The following CSMD1 variants were observed in gnomAD, a reference collection of about 807,000 sequenced individuals.
The protein encoded by CSMD1 is CUB and sushi domain-containing protein 1.
A neutral mutation model predicts 417.5 loss-of-function variants in CSMD1; 213 were observed. The observed-to-expected ratio is 0.51, with a 90% confidence interval of 0.46 to 0.57. CSMD1 has a LOEUF of 0.57. CSMD1 is among the 20% of genes least tolerant of loss of function. The pLI, the probability that CSMD1 is intolerant of heterozygous loss-of-function variation, is 0.00. For missense variants in CSMD1, 6,923 were observed against 4,529.7 expected, an observed-to-expected ratio of 1.53 and a Z score of -15.17; for synonymous variants, 2,862 against 1,736.8, an observed-to-expected ratio of 1.65 and a Z score of -16.11.
intron 2 of CSMD1, among the ~76,000 whole-genome samples, chr8:4,421,785 C>G (rs1471376152): frequency 1.3e-5 from 2 of 149,522 alleles, no homozygotes; most frequent in Admixed American, 6.7e-5. Context: ...AAGAAAAAAA[C>G]AAAAAAAACT....
intron 1 of CSMD1, among the ~76,000 whole-genome samples, chr8:4,929,007 G>A (rs1302756135): frequency 6.6e-6 from 1 of 152,138 alleles, no homozygotes; most frequent in Non-Finnish European, 1.5e-5. Context: ...GGCGGCAGAG[G>A]TTGCAGTGAG....
intron 5 of CSMD1, among the ~76,000 whole-genome samples, chr8:3,838,405 T>TAG (rs1802844794): frequency 7.4e-6 from 1 of 135,480 alleles, no homozygotes; most frequent in African/African-American, 3.0e-5. Context: ...AGCCTATATA[T>TAG]ATAGAGAGAG....
chr8:4,188,087 C>T (rs1270665950), intron 3 of CSMD1, among the ~76,000 whole-genome samples: 2 of 152,020 alleles, frequency 1.3e-5, no homozygotes, highest in Admixed American at 6.6e-5. Flanking sequence ...AAAGTGACTG[C>T]TGGCAGGATG....
At chr8:3,332,725 G>A (rs772115501) in intron 23 of CSMD1, among the ~76,000 whole-genome samples, 2 of 152,188 alleles carry the variant, frequency 1.3e-5, no homozygotes, top group South Asian at 4.1e-4. Flanking sequence ...GAAATTATCT[G>A]AGATGGAAGG....
chr8:3,459,809 C>G (rs1271627051), intron 12 of CSMD1, among the ~76,000 whole-genome samples: 1 of 152,128 alleles, frequency 6.6e-6, no homozygotes, highest in African/African-American at 2.4e-5. Flanking sequence ...CAGAAACAGT[C>G]TGTGTTGACT....
At chr8:3,464,796 C>A (rs1033224147) in intron 12 of CSMD1, among the ~76,000 whole-genome samples, 1 of 151,964 alleles carries the variant, frequency 6.6e-6, no homozygotes, top group African/African-American at 2.4e-5. Flanking sequence ...GGCTTTTGAA[C>A]AGATTATTTT....
chr8:3,998,431 C>T (rs192587013), intron 4 of CSMD1, among the ~76,000 whole-genome samples: 44 of 152,216 alleles, frequency 2.9e-4, no homozygotes, highest in East Asian at 1.4e-3. Flanking sequence ...AGATTTTCTC[C>T]GAATCCTGGA....
At chr8:3,382,507 T>TTATATATATATATAAATTTATATAAA (rs1554532554) in intron 18 of CSMD1, among the ~76,000 whole-genome samples, 10 of 131,610 alleles carry the variant, frequency 7.6e-5, no homozygotes, top group Non-Finnish European at 1.1e-4. Flanking sequence ...GTATATAAAT[T>TTATATATATATATAAATTTATATAAA]TATATATATA....
rs868785023 is a variant in CSMD1 at position 2,959,108 on chromosome 8, C to T, written c.9703-1301G>A. On this transcript the variant is annotated intron_variant, in intron 62 of 69. Coordinates refer to ENST00000635120, the MANE Select transcript of CSMD1 (RefSeq NM_033225.6). ...TTGATTGATTGATTGATTGACTGATCGATTTAAACTTTAGAGTCAGGGCCT... is the reference window on the plus strand; with the variant it reads ...TTGATTGATTGATTGATTGACTGATTGATTTAAACTTTAGAGTCAGGGCCT... Among the ~76,000 whole-genome samples, 5 of 152,234 alleles carry T rather than the reference C, an allele frequency of 3.3e-5. No homozygotes were observed. The South Asian group carries it at 8.3e-4, about 25-fold the overall frequency.
chr8:4,486,755 G>C (rs1296742153), intron 2 of CSMD1, among the ~76,000 whole-genome samples: 1 of 152,164 alleles, frequency 6.6e-6, no homozygotes, highest in Non-Finnish European at 1.5e-5. Flanking sequence ...GCCACTGCCT[G>C]ATACGAAGAA....
chr8:3,452,043 G>C (rs1026965333), intron 12 of CSMD1, among the ~76,000 whole-genome samples: 18 of 152,252 alleles, frequency 1.2e-4, no homozygotes, highest in African/African-American at 4.1e-4. Flanking sequence ...TCCCTTGTAA[G>C]TTGGATTCCT....
At chr8:4,135,726 C>T (rs911336302) in intron 3 of CSMD1, among the ~76,000 whole-genome samples, 1 of 151,856 alleles carries the variant, frequency 6.6e-6, no homozygotes, top group Non-Finnish European at 1.5e-5. Context: ...AATTCAGTCA[C>T]CAATTTATCA....
chr8:4,791,198 GGA>G (rs1284980594), intron 1 of CSMD1, among the ~76,000 whole-genome samples: 1 of 152,066 alleles, frequency 6.6e-6, no homozygotes, highest in Non-Finnish European at 1.5e-5. Context: ...GGTCTTGAGA[GGA>G]GAGGTGCGTG....
chr8:4,774,327 G>C (rs1056232728), intron 1 of CSMD1, among the ~76,000 whole-genome samples: 1 of 152,112 alleles, frequency 6.6e-6, no homozygotes. Flanking sequence ...ATTGAGGGCA[G>C]GTCTCTCAAA....
At chr8:4,644,932 G>A (rs1803429277) in intron 1 of CSMD1, among the ~76,000 whole-genome samples, 3 of 152,182 alleles carry the variant, frequency 2.0e-5, no homozygotes, top group Admixed American at 6.5e-5. Context: ...AGGTAGAGGT[G>A]GTCGGACAAA....
At chr8:4,222,927 C>A (rs1432922645) in intron 3 of CSMD1, among the ~76,000 whole-genome samples, 1 of 151,864 alleles carries the variant, frequency 6.6e-6, no homozygotes, top group Admixed American at 6.6e-5. Flanking sequence ...GTTTATAATC[C>A]AAGTCCTAAA....
chr8:4,622,333 G>A lies in CSMD1; in HGVS notation c.302+15009C>T, dbSNP rs1801830511. ...TAGTGGCCCACCGGGCAGCAAAAAT[G>A]CATGCTGAGGCTCAACACTCCACAC... On this transcript the variant is annotated intron_variant, in intron 2 of 69. Transcript: ENST00000635120. 2.6e-5 allele frequency among the ~76,000 whole-genome samples: 4 copies of A among 152,076 alleles called. No homozygotes were observed. In the South Asian group the frequency reaches 6.2e-4, roughly 24 times the overall value.
chr8:3,660,382 A>G (rs1314197528), intron 7 of CSMD1, among the ~76,000 whole-genome samples: 2 of 152,102 alleles, frequency 1.3e-5, no homozygotes, highest in African/African-American at 4.8e-5. Flanking sequence ...GCACAGAAAA[A>G]GTAATCCACG....
intron 5 of CSMD1, among the ~76,000 whole-genome samples, chr8:3,921,083 G>A (rs1160967801): frequency 1.3e-5 from 2 of 152,130 alleles, no homozygotes; most frequent in Non-Finnish European, 2.9e-5. Flanking sequence ...ATTTAGTAGT[G>A]AAGGTATCTA....
Sources: allele counts gnomAD v4.1 joint callset (sites outside exome capture counted in the v4.1 genomes callset), GRCh38; gene constraint gnomAD v4.1.1; transcripts MANE v1.5; gene names NCBI Gene and HGNC (gene_info 2026-07-23, HGNC 2026-07-21).